The following MMS22L variants were observed in gnomAD, a reference collection of about 807,000 sequenced individuals.
MMS22L encodes protein MMS22-like.
MMS22L carries 74 observed loss-of-function variants against 159.1 expected under a neutral mutation model. That is an observed-to-expected ratio of 0.47 (90% confidence interval 0.39 to 0.56). The LOEUF (loss-of-function observed/expected upper bound fraction) is 0.56, where lower values mean the gene tolerates loss of function less well. Ranked by LOEUF, MMS22L falls within the 20% of genes least tolerant of loss-of-function variation. MMS22L has a pLI of 0.00. For missense variants in MMS22L, 1,351 were observed against 1,422.1 expected (o/e 0.95, Z 0.80); for synonymous variants, 517 against 506.9 (o/e 1.02, Z -0.27).
chr6:97,151,140 C>T (rs914712714), intron 23 of MMS22L, among the ~76,000 whole-genome samples: 5 of 152,292 alleles, frequency 3.3e-5, no homozygotes, highest in African/African-American at 1.2e-4. Context: ...TCATGACTCA[C>T]ATTTCCCACT....
chr6:97,172,267 T>C (rs765709155), intron 19 of MMS22L, among the ~76,000 whole-genome samples: 4 of 152,142 alleles, frequency 2.6e-5, no homozygotes, highest in Non-Finnish European at 5.9e-5. Flanking sequence ...ATCTTCTATA[T>C]TTACACATTT....
upstream of MMS22L, among the ~76,000 whole-genome samples, chr6:97,283,789 A>G (rs1036707799): frequency 6.6e-6 from 1 of 152,206 alleles, no homozygotes; most frequent in African/African-American, 2.4e-5. Context: ...AAGCGATACC[A>G]TATTCCGAGC....
At chr6:97,245,850 G>GAC (rs56380746) in intron 11 of MMS22L, 10,650 of 116,250 alleles carry the variant, frequency 0.092, 466 homozygotes, top group African/African-American at 0.14. Flanking sequence ...AGCTACTACA[G>GAC]ACACACACAC....
intron 6 of MMS22L, chr6:97,271,508 T>A (rs1815732254): frequency 6.6e-6 from 1 of 152,208 alleles, no homozygotes; most frequent in Non-Finnish European, 1.5e-5. Flanking sequence ...ATGAATCTTT[T>A]TATTAAATGA....
intron 14 of MMS22L, among the ~76,000 whole-genome samples, chr6:97,205,348 C>T (rs1350458624): frequency 6.6e-6 from 1 of 152,014 alleles, no homozygotes; most frequent in Non-Finnish European, 1.5e-5. Flanking sequence ...ACATATTCTT[C>T]CTGTTGTTTT....
chr6:97,249,288 G>A (rs1439655897), intron 10 of MMS22L, among the ~76,000 whole-genome samples: 1 of 152,194 alleles, frequency 6.6e-6, no homozygotes, highest in Non-Finnish European at 1.5e-5. Context: ...TCCACATTTG[G>A]TACTTCTGGA....
intron 10 of MMS22L, among the ~76,000 whole-genome samples, chr6:97,252,596 G>C (rs1443642562): frequency 6.8e-6 from 1 of 146,682 alleles, no homozygotes; most frequent in Non-Finnish European, 1.5e-5. Context: ...AGTAAGCCGA[G>C]ATCACGCCAT....
intron 14 of MMS22L, among the ~76,000 whole-genome samples, chr6:97,197,649 T>A (rs1260035642): frequency 6.6e-6 from 1 of 152,184 alleles, no homozygotes; most frequent in Non-Finnish European, 1.5e-5. Context: ...ATGCACTAGA[T>A]CTTATCCAAA....
In MMS22L at chr6:97,233,900, T is replaced by C. The variant is rs542294177; in HGVS notation, c.1263A>G (p.Ala421=). ...TLCDFWEPNI[A]IVTILWEYYS... ...AATATTCCCATAAAATGGTAACAATTGCAATGTTTGGCTCCCAGAAATCAC... is the reference window on the plus strand; with the variant it reads ...AATATTCCCATAAAATGGTAACAATCGCAATGTTTGGCTCCCAGAAATCAC... The change falls in exon 12 of 25, where the codon GCA becomes GCG. Residue 421 remains alanine, a synonymous_variant. Transcript: ENST00000683635. The C allele has an allele frequency of 3.7e-6, 6 of 1,610,502 alleles. No individual in the cohort carries two copies. The South Asian group carries it at 6.6e-5, about 18-fold the overall frequency.
chr6:97,240,333 C>T (rs1275549752), intron 11 of MMS22L, among the ~76,000 whole-genome samples: 1 of 152,166 alleles, frequency 6.6e-6, no homozygotes, highest in African/African-American at 2.4e-5. Context: ...GATATTTTGA[C>T]TTTATGCTAG....
chr6:97,234,542 T>A (rs1379296540), intron 11 of MMS22L, among the ~76,000 whole-genome samples: 2 of 152,196 alleles, frequency 1.3e-5, no homozygotes, highest in African/African-American at 4.8e-5. Context: ...AATAACACAC[T>A]GAATTCCAAT....
At chr6:97,161,656 C>A (rs1436125860) in intron 22 of MMS22L, among the ~76,000 whole-genome samples, 1 of 152,020 alleles carries the variant, frequency 6.6e-6, no homozygotes, top group East Asian at 1.9e-4. Flanking sequence ...GATGACCTCT[C>A]ATTACTTGAT....
At position 97,150,040 on chromosome 6, in the gene MMS22L, A is replaced by T. The variant is rs778749884; in HGVS notation, c.3483-20T>A. 9 of 1,608,510 alleles carry T rather than the reference A, an allele frequency of 5.6e-6. No individual in the cohort carries two copies. The East Asian group carries it at 2.0e-4, about 36-fold the overall frequency. On this transcript the variant is annotated intron_variant, in intron 23 of 24. Coordinates refer to ENST00000683635, the MANE Select transcript of MMS22L (RefSeq NM_001350599.2). ...AACTGCCTGAAAGTAAAACAGGTTTATTTAGGATTACTCCTGGGGCAATTC... is the reference window on the plus strand; with the variant it reads ...AACTGCCTGAAAGTAAAACAGGTTTTTTTAGGATTACTCCTGGGGCAATTC...
chr6:97,217,908 C>T (rs1809198799), intron 14 of MMS22L, among the ~76,000 whole-genome samples: 1 of 151,956 alleles, frequency 6.6e-6, no homozygotes, highest in African/African-American at 2.4e-5. Context: ...TCTAAGTTCC[C>T]TCTTCCAAAT....
At chr6:97,238,037 G>C (rs1811593085) in intron 11 of MMS22L, among the ~76,000 whole-genome samples, 1 of 152,164 alleles carries the variant, frequency 6.6e-6, no homozygotes, top group Non-Finnish European at 1.5e-5. Context: ...ATGAATGCTA[G>C]GTACCAAACA....
intron 14 of MMS22L, among the ~76,000 whole-genome samples, chr6:97,226,694 A>G (rs1810290618): frequency 1.3e-5 from 2 of 152,138 alleles, no homozygotes; most frequent in South Asian, 2.1e-4. Context: ...AAATACATAT[A>G]TAGTGTGTGT....
intron 9 of MMS22L, chr6:97,261,284 G>A (rs980751731): frequency 6.6e-6 from 1 of 152,112 alleles, no homozygotes; most frequent in East Asian, 1.9e-4. Context: ...TACAGCTGAC[G>A]TTTGAACAAC....
At chr6:97,280,463 G>C (rs1816661239) in intron 3 of MMS22L, among the ~76,000 whole-genome samples, 2 of 151,976 alleles carry the variant, frequency 1.3e-5, no homozygotes, top group African/African-American at 4.8e-5. Context: ...CTCCTGAGTA[G>C]CTGGGATTAC....
In MMS22L at chr6:97,233,898, A is replaced by G. The variant is rs1811125581; in HGVS notation, c.1265T>C (p.Ile422Thr). ...ATAATATTCCCATAAAATGGTAACA[A>G]TTGCAATGTTTGGCTCCCAGAAATC... Reference protein sequence around the residue: ...LCDFWEPNIAIVTILWEYYSK... With the variant: ...LCDFWEPNIATVTILWEYYSK... The change falls in exon 12 of 25, where the codon ATT becomes ACT. Residue 422 changes from isoleucine to threonine, a missense_variant. Coordinates refer to ENST00000683635, the MANE Select transcript of MMS22L (RefSeq NM_001350599.2). 1 of 1,610,488 alleles carries G rather than the reference A, an allele frequency of 6.2e-7. No homozygotes were observed. Among genetic ancestry groups the G allele is most frequent in the African/African-American group, 1.3e-5 (1 of 74,798 alleles).
Sources: allele counts gnomAD v4.1 joint callset (sites outside exome capture counted in the v4.1 genomes callset), GRCh38; gene constraint gnomAD v4.1.1; transcripts MANE v1.5; gene names NCBI Gene and HGNC (gene_info 2026-07-23, HGNC 2026-07-21).